SIAE: variants seen among roughly 807,000 people sequenced by gnomAD.
SIAE encodes the protein sialate O-acetylesterase.
SIAE carries 39 observed loss-of-function variants against 52.6 expected under a neutral mutation model. That is an observed-to-expected ratio of 0.74 (90% confidence interval 0.57 to 0.97). SIAE has a LOEUF of 0.97. SIAE is among the 50% of genes least tolerant of loss of function. SIAE has a pLI of 0.00. For synonymous variants in SIAE, 233 were observed against 241.4 expected (o/e 0.97, Z 0.32); for missense variants, 592 against 662.1 (o/e 0.89, Z 1.16).
chr11:124,661,482 G>A (rs1381155847), intron 2 of SIAE, among the ~76,000 whole-genome samples: 1 of 152,098 alleles, frequency 6.6e-6, no homozygotes, highest in East Asian at 1.9e-4. Context: ...AAGGCTTTGG[G>A]ACTCAATTAG....
chr11:124,647,394 C>G lies in SIAE; in HGVS notation c.937G>C (p.Glu313Gln), dbSNP rs1205691625. Reference sequence around the variant, plus strand: ...ACAAGTCCAAATGGGAAGAAACGCTCCGTCTGCCCCTGGGAACCACGGTGG... The same window carrying G: ...ACAAGTCCAAATGGGAAGAAACGCTGCGTCTGCCCCTGGGAACCACGGTGG... ...TFHRGSQGQT[E>Q]RFFPFGLVQL... is the part of the protein sequence containing the mutation. Residue 313 changes from glutamate to glutamine, a missense_variant, in exon 7 of 10, where the codon GAG becomes CAG. Physicochemically the swap from Glu to Gln is conservative, Grantham distance 29. Coordinates refer to ENST00000263593, the MANE Select transcript of SIAE (RefSeq NM_170601.5). 1.2e-6 allele frequency: 2 copies of G among 1,614,208 alleles called. No homozygotes were observed. The highest frequency in any genetic ancestry group is 4.5e-5 in the East Asian group (2 of 44,878).
At chr11:124,639,928 A>C in intron 7 of SIAE, 61 bp from the exon 8 acceptor site, 2 of 1,575,336 alleles carry the variant, frequency 1.3e-6, no homozygotes. Context: ...AGTCTTTTTC[A>C]CTGGCAGACT....
At chr11:124,637,271 T>C (rs922478457) in intron 9 of SIAE, 69 bp from the exon 10 acceptor site, 49 of 1,602,262 alleles carry the variant, frequency 3.1e-5, no homozygotes, top group Non-Finnish European at 3.9e-5. Context: ...GGCACTGCTC[T>C]TTCAGACAGA....
At chr11:124,647,291 T>C in intron 7 of SIAE, 74 bp downstream of exon 7, 1 of 1,596,714 alleles carries the variant, frequency 6.3e-7, no homozygotes, top group South Asian at 1.1e-5. Context: ...CCCACACCAA[T>C]GCCCATAAAC....
rs1169221203 is a variant in SIAE, at chr11:124,645,010, C to T, written c.966+2355G>A. Among the ~76,000 whole-genome samples, 2 of 152,168 alleles carry T rather than the reference C, an allele frequency of 1.3e-5. No homozygotes were observed. Among genetic ancestry groups the T allele is most frequent in the African/African-American group, 2.4e-5 (1 of 41,444 alleles). ...CTAACATTATCTGGTATGTTCCCGG[C>T]TTTCCATGGATGAACTCATTCAATA... On this transcript the variant is annotated intron_variant, in intron 7 of 9. Transcript: ENST00000263593. This position sits in a 1 kb window ranked among gnomAD's most constrained non-coding sequence, Gnocchi z 4.7.
At chr11:124,663,038 G>A (rs1030595034) in intron 2 of SIAE, among the ~76,000 whole-genome samples, 18 of 151,954 alleles carry the variant, frequency 1.2e-4, no homozygotes, top group Non-Finnish European at 1.9e-4. Flanking sequence ...CCAGCTACTC[G>A]GAGGCTGAGG....
At chr11:124,637,329 A>T in intron 9 of SIAE, 127 bp from the exon 10 acceptor site, 1 of 1,354,068 alleles carries the variant, frequency 7.4e-7, no homozygotes. Context: ...CTACTCCTAC[A>T]GTAAGCAGAA....
intron 3 of SIAE, among the ~76,000 whole-genome samples, chr11:124,657,543 G>A (rs1011740884): frequency 3.3e-5 from 5 of 152,228 alleles, no homozygotes; most frequent in Non-Finnish European, 7.3e-5. Flanking sequence ...TAGACCCGTT[G>A]CTAACACTGT....
upstream of SIAE, chr11:124,673,858 C>A (rs1462149453): frequency 1.3e-6 from 1 of 745,884 alleles, no homozygotes; most frequent in Non-Finnish European, 2.1e-6. Context: ...CCCTTCTCGG[C>A]CGCCGTAGTT....
At chr11:124,659,384 T>TAAGAG (rs1943149100) in intron 3 of SIAE, 3 of 152,186 alleles carry the variant, frequency 2.0e-5, no homozygotes, top group African/African-American at 4.8e-5. Context: ...TTCTACTCTC[T>TAAGAG]TATGCTAAAA....
At chr11:124,650,455 G>A (rs908869223) in intron 4 of SIAE, among the ~76,000 whole-genome samples, 2 of 152,102 alleles carry the variant, frequency 1.3e-5, no homozygotes, top group Non-Finnish European at 2.9e-5. Context: ...CTTTTTTCTG[G>A]TGGCTTTATA....
intron 2 of SIAE, 33 bp from the exon 3 acceptor site, chr11:124,660,836 CA>C (rs777687344): frequency 6.2e-7 from 1 of 1,610,242 alleles, no homozygotes; most frequent in Non-Finnish European, 8.5e-7. Flanking sequence ...AGGAATTAAT[CA>C]ATCAATTAAA....
rs562030115 is a variant in SIAE, at chr11:124,669,284, C to T, written c.229+76G>A. ...GACGGATGGATAATGTGAGCTACAG[C>T]ATTAGCATTCATTTTCAGATAATCC... On this transcript the variant is annotated intron_variant, in intron 2 of 9. Transcript: ENST00000263593. 31 of 1,535,980 alleles carry T rather than the reference C, an allele frequency of 2.0e-5. No homozygotes were observed. The South Asian group carries it at 2.9e-4, about 14-fold the overall frequency.
At chr11:124,644,073 A>C (rs1942890373) in intron 7 of SIAE, among the ~76,000 whole-genome samples, 1 of 152,196 alleles carries the variant, frequency 6.6e-6, no homozygotes, top group African/African-American at 2.4e-5. Context: ...AGGTTGCAAT[A>C]ATAACAGAAA....
At chr11:124,669,633 A>G (rs1943321749) in intron 1 of SIAE, 112 bp from the exon 2 acceptor site, 4 of 992,230 alleles carry the variant, frequency 4.0e-6, no homozygotes, top group Non-Finnish European at 6.2e-6. Context: ...ATTTTAACAT[A>G]CTAAGTCCCT....
intron 3 of SIAE, among the ~76,000 whole-genome samples, chr11:124,655,216 G>A (rs574100384): frequency 7.4e-6 from 1 of 135,866 alleles, no homozygotes; most frequent in African/African-American, 3.0e-5. Context: ...TTGCTCTCTC[G>A]CCCAGGCTGG....
upstream of SIAE, chr11:124,675,221 C>T (rs767651274): frequency 5.0e-6 from 8 of 1,590,500 alleles, no homozygotes; most frequent in Non-Finnish European, 6.0e-6. Flanking sequence ...AGACAGTACT[C>T]TTTAATGAAT....
At chr11:124,639,680 G>A (rs1179949740) in intron 8 of SIAE, 30 bp downstream of exon 8, 1 of 1,613,638 alleles carries the variant, frequency 6.2e-7, no homozygotes, top group Non-Finnish European at 8.5e-7. Context: ...AACATACACT[G>A]TTCATGCAAA....
chr11:124,653,802 G>C (rs1231055105), intron 4 of SIAE, among the ~76,000 whole-genome samples: 1 of 152,218 alleles, frequency 6.6e-6, no homozygotes, highest in African/African-American at 2.4e-5. Flanking sequence ...GAAAGGCTAA[G>C]CTCAGAGAGC....
Sources: gnomAD v4.1 joint callset for allele counts (sites outside exome capture counted in the v4.1 genomes callset) on GRCh38, gnomAD v4.1.1 for gene constraint, Gnocchi (gnomAD v3.1) non-coding constraint, MANE v1.5 for transcripts, NCBI Gene and HGNC (gene_info 2026-07-23, HGNC 2026-07-21) for gene names.